The following ACKR3 variants were observed in gnomAD, a reference collection of about 807,000 sequenced individuals.
ACKR3 encodes C-X-C chemokine receptor type 7.
A neutral mutation model predicts 22.4 loss-of-function variants in ACKR3; 6 were observed. That is an observed-to-expected ratio of 0.27 (90% CI 0.15 to 0.53). ACKR3 has a LOEUF of 0.53. Among genes scored for constraint, ACKR3 ranks in the 20% least tolerant of loss-of-function variants. The pLI is 0.96. For synonymous variants in ACKR3, 209 were observed against 205.2 expected (o/e 1.02, Z -0.16); for missense variants, 396 against 475.2 (o/e 0.83, Z 1.55).
rs1282445675 is a variant in ACKR3, at chr2:236,577,890, C to A, written c.-26-2550C>A. Among the ~76,000 whole-genome samples, 1 of 152,236 alleles carries A rather than the reference C, an allele frequency of 6.6e-6. No individual in the cohort carries two copies. The highest frequency in any genetic ancestry group is 1.5e-5 in the Non-Finnish European group (1 of 68,050). On this transcript the variant is annotated intron_variant, in intron 1 of 1. Transcript: ENST00000272928. This position sits in a 1 kb window ranked among gnomAD's most constrained non-coding sequence, Gnocchi z 5.6. ...GGCGCCAGCCGAGCTCCCTCTGGAC[C>A]CAGCTGCTGTCCCTGCTGCTGCCCA...
In ACKR3 at chr2:236,582,178, G is replaced by A. The variant is rs1012646678; in HGVS notation, c.*624G>A. 2 of 166,866 alleles carry A rather than the reference G, an allele frequency of 1.2e-5. No individual in the cohort carries two copies. The highest frequency in any genetic ancestry group is 2.9e-5 in the Non-Finnish European group (2 of 68,086). 10.3% of individuals were successfully genotyped at this position (166,866 alleles called of 1,614,324 possible). The stretch of plus-strand genomic sequence containing the variant: ...TTTGTACCGGCACGGGATATGGAAC[G>A]AAAACTGCTTTGTAATGCAGTTTGT... On this transcript the variant is annotated 3_prime_UTR_variant, in exon 2 of 2. Coordinates refer to ENST00000272928, the MANE Select transcript of ACKR3 (RefSeq NM_020311.3).
At chr2:236,562,771 A>G in the ACKR3 span, among the ~76,000 whole-genome samples, 104 of 152,270 alleles carry the variant, frequency 6.8e-4, no homozygotes, top group South Asian at 0.016. Context: ...CCAGCAGTGC[A>G]TTGACCAGTT....
the ACKR3 span, among the ~76,000 whole-genome samples, chr2:236,548,024 A>G: frequency 6.6e-6 from 1 of 152,126 alleles, no homozygotes; most frequent in Non-Finnish European, 1.5e-5. This position sits in a 1 kb window ranked among gnomAD's most constrained non-coding sequence, Gnocchi z 4.3. Flanking sequence ...TTGCAATTAG[A>G]CATATCTTCC....
At chr2:236,549,488 A>G in the ACKR3 span, among the ~76,000 whole-genome samples, 1 of 152,204 alleles carries the variant, frequency 6.6e-6, no homozygotes, top group Non-Finnish European at 1.5e-5. This position sits in a 1 kb window ranked among gnomAD's most constrained non-coding sequence, Gnocchi z 5.3. Context: ...CTGAAAGATT[A>G]GTCTTCATGA....
chr2:236,561,501 A>G, the ACKR3 span, among the ~76,000 whole-genome samples: 1 of 151,878 alleles, frequency 6.6e-6, no homozygotes, highest in South Asian at 2.1e-4. Flanking sequence ...GATATATACA[A>G]ACACAATTGA....
upstream of ACKR3, among the ~76,000 whole-genome samples, chr2:236,565,803 C>T (rs1411244991): frequency 1.3e-5 from 2 of 152,176 alleles, no homozygotes; most frequent in African/African-American, 4.8e-5. Context: ...ACCCAATTCC[C>T]TTGAGTTGAG....
Position 236,580,725 on chromosome 2 carries a change from C to G in ACKR3, c.260C>G (p.Ala87Gly). The G allele has an allele frequency of 1.2e-6, 2 of 1,614,154 alleles. No homozygotes were observed. The highest frequency in any genetic ancestry group is 1.7e-6 in the Non-Finnish European group (2 of 1,180,030). ...ACGCACTGCTACATCTTGAACCTGG[C>G]CATTGCCGACCTGTGGGTTGTCCTC... is the stretch of plus-strand genomic sequence containing the variant. ...YDTHCYILNL[A>G]IADLWVVLTI... Residue 87 changes from alanine (A) to glycine (G), a missense_variant, in exon 2 of 2, where the codon GCC becomes GGC. Ala to Gly is a moderately conservative substitution (Grantham distance 60). Coordinates refer to ENST00000272928, the MANE Select transcript of ACKR3 (RefSeq NM_020311.3).
Position 236,581,597 on chromosome 2 carries a change from A to G in ACKR3, c.*43A>G. The G allele has an allele frequency of 6.3e-7, 1 of 1,583,656 alleles. No individual in the cohort carries two copies. Among genetic ancestry groups the G allele is most frequent in the Non-Finnish European group, 8.6e-7 (1 of 1,163,348 alleles). On this transcript the variant is annotated 3_prime_UTR_variant, in exon 2 of 2. Coordinates refer to ENST00000272928, the MANE Select transcript of ACKR3 (RefSeq NM_020311.3). The surrounding 1 kb of genome is among the most constrained non-coding windows in gnomAD (Gnocchi z 4.4). Reference sequence around the variant, plus strand: ...CTGGGACGGGTTTACTTGTTTTTGAACAGGGTGATGGGCCCTATGGTTTTC... The same window carrying G: ...CTGGGACGGGTTTACTTGTTTTTGAGCAGGGTGATGGGCCCTATGGTTTTC...
chr2:236,561,955 TTTTA>T, the ACKR3 span, among the ~76,000 whole-genome samples: 1 of 152,266 alleles, frequency 6.6e-6, no homozygotes, highest in Non-Finnish European at 1.5e-5. Context: ...TCCATATGGC[TTTTA>T]TTTCTTTTCT....
the ACKR3 span, among the ~76,000 whole-genome samples, chr2:236,549,322 T>C: frequency 6.6e-6 from 1 of 152,160 alleles, no homozygotes. The surrounding 1 kb of genome is among the most constrained non-coding windows in gnomAD (Gnocchi z 5.3). Context: ...GCCCATACCC[T>C]TTTGTGGAAG....
upstream of ACKR3, among the ~76,000 whole-genome samples, chr2:236,563,812 T>G (rs980409415): frequency 2.6e-5 from 4 of 152,158 alleles, no homozygotes; most frequent in African/African-American, 9.7e-5. Context: ...AACTGACCCT[T>G]GAGAGACTGT....
chr2:236,575,739 C>A (rs1691401677), intron 1 of ACKR3, among the ~76,000 whole-genome samples: 1 of 152,108 alleles, frequency 6.6e-6, no homozygotes, highest in Admixed American at 6.5e-5. Context: ...TCGTAACTCT[C>A]CCTGTGCATG....
the ACKR3 span, among the ~76,000 whole-genome samples, chr2:236,542,056 C>T: frequency 1.3e-5 from 2 of 152,172 alleles, no homozygotes; most frequent in African/African-American, 4.8e-5. Flanking sequence ...CAGCTGGATG[C>T]CACCATAATG....
intron 1 of ACKR3, among the ~76,000 whole-genome samples, chr2:236,571,531 C>T (rs1012000572): frequency 1.3e-5 from 2 of 149,320 alleles, no homozygotes; most frequent in East Asian, 2.0e-4. Context: ...GTGTTTTCCC[C>T]GTATTAACAG....
In ACKR3 at chr2:236,582,243, A is replaced by C. The variant is rs1691557586; in HGVS notation, c.*689A>C. On this transcript the variant is annotated 3_prime_UTR_variant, in exon 2 of 2. Transcript: ENST00000272928. ...TGTAAAGTTACATTTTAAAATAAACAAAAAACTGTTCTGGACTGCAAATCT... is the reference window on the plus strand; with the variant it reads ...TGTAAAGTTACATTTTAAAATAAACCAAAAACTGTTCTGGACTGCAAATCT... 6.0e-6 allele frequency: 1 copy of C among 167,084 alleles called. No individual in the cohort carries two copies. The highest frequency in any genetic ancestry group is 6.5e-5 in the Admixed American group (1 of 15,286). 10.4% of individuals were successfully genotyped at this position (167,084 alleles called of 1,614,324 possible).
At chr2:236,544,427 G>A in the ACKR3 span, among the ~76,000 whole-genome samples, 1 of 152,156 alleles carries the variant, frequency 6.6e-6, no homozygotes, top group Non-Finnish European at 1.5e-5. The surrounding 1 kb of genome is among the most constrained non-coding windows in gnomAD (Gnocchi z 5.0). Context: ...CATATGCATC[G>A]TATGATCAGT....
rs745666707 is a variant in ACKR3 at position 236,581,277 on chromosome 2, C to T, written c.812C>T (p.Ala271Val). The T allele has an allele frequency of 2.5e-5, 40 of 1,613,924 alleles. No homozygotes were observed. Among genetic ancestry groups the T allele is most frequent in the Admixed American group, 3.3e-5 (2 of 60,012 alleles). ...GTCTGCTGGCTGCCCTACCACGTGG[C>T]GGTGCTGCTGGACATCTTCTCCATC... The part of the protein sequence containing the change: ...FLVCWLPYHV[A>V]VLLDIFSILH... Residue 271 changes from alanine to valine, a missense_variant, in exon 2 of 2, where the codon GCG becomes GTG. Physicochemically the swap from Ala to Val is moderately conservative, Grantham distance 64 (BLOSUM62 0). Transcript: ENST00000272928. The surrounding 1 kb of genome is among the most constrained non-coding windows in gnomAD (Gnocchi z 4.4).
chr2:236,576,231 T>G (rs1691409419), intron 1 of ACKR3, among the ~76,000 whole-genome samples: 3 of 152,248 alleles, frequency 2.0e-5, no homozygotes, highest in African/African-American at 7.2e-5. Flanking sequence ...GCCCTGTGGC[T>G]ATCGGCCTTC....
At chr2:236,550,362 G>A in the ACKR3 span, among the ~76,000 whole-genome samples, 2 of 152,230 alleles carry the variant, frequency 1.3e-5, no homozygotes, top group Admixed American at 6.5e-5. This position sits in a 1 kb window ranked among gnomAD's most constrained non-coding sequence, Gnocchi z 4.6. Flanking sequence ...CAGTGTGCAC[G>A]CTGCTCACCT....
Sources: gnomAD v4.1 joint callset for allele counts (sites outside exome capture counted in the v4.1 genomes callset) on GRCh38, gnomAD v4.1.1 for gene constraint, Gnocchi (gnomAD v3.1) non-coding constraint, MANE v1.5 for transcripts, NCBI Gene and HGNC (gene_info 2026-07-23, HGNC 2026-07-21) for gene names.